The following CEP135 variants were observed in gnomAD, a reference collection of about 807,000 sequenced individuals.
The protein encoded by CEP135 is centrosomal protein of 135 kDa.
In CEP135, 142 loss-of-function variants were observed where a neutral mutation model predicts 157.3. That is an observed-to-expected ratio of 0.90 (90% CI 0.79 to 1.04). The LOEUF is 1.04. Ranked by LOEUF, CEP135 falls within the 50% of genes least tolerant of loss-of-function variation. The pLI, the probability that CEP135 is intolerant of heterozygous loss-of-function variation, is 0.00. For synonymous variants in CEP135, 396 were observed against 439.8 expected, an observed-to-expected ratio of 0.90 and a Z score of 1.25; for missense variants, 1,317 against 1,309.2, an observed-to-expected ratio of 1.01 and a Z score of -0.09.
intron 9 of CEP135, among the ~76,000 whole-genome samples, chr4:55,970,037 C>CTT (rs11404012): frequency 7.2e-4 from 102 of 141,340 alleles, no homozygotes; most frequent in African/African-American, 1.5e-3. Context: ...CCGTGCCTAG[C>CTT]TTTTTTTTTT....
chr4:55,958,631 TG>T (rs1201257115), intron 5 of CEP135, among the ~76,000 whole-genome samples: 1 of 152,232 alleles, frequency 6.6e-6, no homozygotes, highest in Non-Finnish European at 1.5e-5. Context: ...ATGCACATTT[TG>T]TTTGTATTCA....
chr4:55,964,027 A>G (rs1350454122), intron 6 of CEP135, among the ~76,000 whole-genome samples: 1 of 152,026 alleles, frequency 6.6e-6, no homozygotes, highest in Non-Finnish European at 1.5e-5. Context: ...TACAAAAATT[A>G]AATTAGGAAG....
At chr4:55,954,515 A>G (rs1175859004) in intron 4 of CEP135, 132 bp downstream of exon 4, 4 of 651,038 alleles carry the variant, frequency 6.1e-6, no homozygotes, top group Non-Finnish European at 9.7e-6. Context: ...TATATTGAAT[A>G]GACCGTAAAC....
intron 18 of CEP135, among the ~76,000 whole-genome samples, chr4:56,009,171 T>G (rs925054774): frequency 4.6e-5 from 7 of 152,128 alleles, no homozygotes; most frequent in Non-Finnish European, 5.9e-5. Flanking sequence ...GTTGTTGTTT[T>G]TTGTTGTTGA....
chr4:56,003,106 C>CT (rs1273881132), intron 17 of CEP135, among the ~76,000 whole-genome samples: 1 of 152,030 alleles, frequency 6.6e-6, no homozygotes, highest in Non-Finnish European at 1.5e-5. Flanking sequence ...GGTCTTCTCT[C>CT]TTTTTTTATT....
intron 15 of CEP135, among the ~76,000 whole-genome samples, chr4:55,996,208 ACCT>A (rs1729964184): frequency 6.6e-6 from 1 of 151,792 alleles, no homozygotes; most frequent in South Asian, 2.1e-4. Flanking sequence ...TGAAACCTTG[ACCT>A]CCTGGCTCAA....
At position 56,007,518 on chromosome 4, in the gene CEP135, C is replaced by G. The variant is rs6818705; in HGVS notation, c.2281-809C>G. On this transcript the variant is annotated intron_variant, in intron 17 of 25. Coordinates refer to ENST00000257287, the MANE Select transcript of CEP135 (RefSeq NM_025009.5). ...TTGGCTGAGTAATAGAGAAGAGTTT[C>G]CAGGGATGAGGAGGTAGTCCTACAT... 5.9e-3 allele frequency among the ~76,000 whole-genome samples: 897 copies of G among 152,264 alleles called. 4 individuals carry two copies. Among genetic ancestry groups the G allele is most frequent in the African/African-American group, 0.02 (834 of 41,556 alleles).
intron 19 of CEP135, among the ~76,000 whole-genome samples, chr4:56,010,360 CAAAAA>C (rs34182911): frequency 9.0e-6 from 1 of 110,930 alleles, no homozygotes. Context: ...AGACTCCATC[CAAAAA>C]AAAAAAAAAA....
At chr4:56,024,874 C>T (rs1163898097) in intron 25 of CEP135, among the ~76,000 whole-genome samples, 1 of 151,004 alleles carries the variant, frequency 6.6e-6, no homozygotes, top group Non-Finnish European at 1.5e-5. Context: ...CAGTGGCCCA[C>T]ACCTGTTATT....
chr4:55,997,427 T>C (rs987098687), intron 15 of CEP135, among the ~76,000 whole-genome samples: 5 of 152,202 alleles, frequency 3.3e-5, no homozygotes, highest in African/African-American at 1.2e-4. Flanking sequence ...TGAAGTTAGA[T>C]ATAAAGCAGT....
Position 56,024,588 on chromosome 4 carries a change from AC to A in CEP135, c.3409del (p.His1137IlefsTer10). 1 of 1,610,840 alleles carries A rather than the reference AC, an allele frequency of 6.2e-7. No individual in the cohort carries two copies. The highest frequency in any genetic ancestry group is 8.5e-7 in the Non-Finnish European group (1 of 1,177,120). On this transcript the variant is annotated frameshift_variant, in exon 25 of 26. Coordinates refer to ENST00000257287, the MANE Select transcript of CEP135 (RefSeq NM_025009.5). LOFTEE classifies it high-confidence loss of function. Reference protein sequence around the residue: ...TLRSPSHSPEHRNV With the variant: ...TLRSPSHSPEXRNV The stretch of plus-strand genomic sequence containing the variant: ...TGAGGTCTCCTTCACATTCTCCTGA[AC>A]ATAGAAATGTGTAATTATCAGAAAG...
chr4:55,996,301 T>G (rs1203243466), intron 15 of CEP135, among the ~76,000 whole-genome samples: 1 of 152,218 alleles, frequency 6.6e-6, no homozygotes, highest in Middle Eastern at 3.4e-3. Flanking sequence ...TTAAAAATGT[T>G]TGTGGAGACA....
intron 14 of CEP135, among the ~76,000 whole-genome samples, chr4:55,986,092 T>C (rs1195623555): frequency 1.3e-5 from 2 of 152,246 alleles, no homozygotes; most frequent in African/African-American, 4.8e-5. Context: ...GATTTCTTTA[T>C]TCGTAAGTAA....
rs775619251 is a variant in CEP135 at position 55,999,340 on chromosome 4, A to C, written c.2048A>C (p.Tyr683Ser). The C allele has an allele frequency of 5.3e-5, 85 of 1,614,096 alleles. No individual in the cohort carries two copies. The highest frequency in any genetic ancestry group is 6.7e-5 in the Non-Finnish European group (79 of 1,180,022). ...CAGCTACAGCGGTCAGTTGATGACT[A>C]TCAGCACCGACTTTCCATAAAAAGA... ...NEQLQRSVDD[Y>S]QHRLSIKRGE... Residue 683 changes from tyrosine (Y) to serine (S), a missense_variant, in exon 16 of 26, where the codon TAT (tyrosine) becomes TCT (serine). Transcript: ENST00000257287.
At chr4:55,964,428 T>G (rs753142287) in intron 7 of CEP135, 26 bp downstream of exon 7, 29 of 1,552,926 alleles carry the variant, frequency 1.9e-5, no homozygotes, top group Non-Finnish European at 2.6e-5. Flanking sequence ...ATTATTTCAC[T>G]GAGTGTATAT....
chr4:55,978,978 A>G (rs185353042), intron 11 of CEP135, among the ~76,000 whole-genome samples: 1 of 152,182 alleles, frequency 6.6e-6, no homozygotes, highest in African/African-American at 2.4e-5. Flanking sequence ...CGGATAACTA[A>G]TCCCATCCAT....
chr4:56,012,891 T>C (rs1021381652), intron 21 of CEP135, among the ~76,000 whole-genome samples: 1 of 152,222 alleles, frequency 6.6e-6, no homozygotes. Flanking sequence ...TTGCTTTCAG[T>C]TCTTTTGGGT....
chr4:55,970,504 T>C (rs1728998327), intron 9 of CEP135, among the ~76,000 whole-genome samples: 1 of 152,210 alleles, frequency 6.6e-6, no homozygotes, highest in Non-Finnish European at 1.5e-5. Flanking sequence ...AGCTGCAGTG[T>C]CCTGGTGGCA....
chr4:55,978,216 C>G (rs1040186389), intron 11 of CEP135, among the ~76,000 whole-genome samples: 2 of 152,088 alleles, frequency 1.3e-5, no homozygotes, highest in Non-Finnish European at 2.9e-5. Context: ...GGGTACCATA[C>G]TAGACACTGA....
Sources: allele counts gnomAD v4.1 joint callset (sites outside exome capture counted in the v4.1 genomes callset), GRCh38; gene constraint gnomAD v4.1.1; transcripts MANE v1.5; gene names NCBI Gene and HGNC (gene_info 2026-07-23, HGNC 2026-07-21).